ST6GALNAC3: variants seen among roughly 807,000 people sequenced by gnomAD.
ST6GALNAC3 encodes the protein alpha-N-acetylgalactosaminide alpha-2,6-sialyltransferase 3.
In ST6GALNAC3, 25 loss-of-function variants were observed where a neutral mutation model predicts 32.7. The observed-to-expected ratio is 0.76, with a 90% confidence interval of 0.56 to 1.07. ST6GALNAC3 has a LOEUF of 1.07. Ranked by LOEUF, ST6GALNAC3 falls within the 50% of genes least tolerant of loss-of-function variation. ST6GALNAC3 has a pLI of 0.00. For synonymous variants in ST6GALNAC3, 129 were observed against 133.1 expected (o/e 0.97, Z 0.21); for missense variants, 355 against 382.4 (o/e 0.93, Z 0.60).
chr1:76,512,700 C>G (rs1199038112), intron 3 of ST6GALNAC3, among the ~76,000 whole-genome samples: 1 of 152,150 alleles, frequency 6.6e-6, no homozygotes, highest in African/African-American at 2.4e-5. Flanking sequence ...TACCCGTTGA[C>G]CAGCCTCTCT....
chr1:76,356,589 C>T (rs1198691352), intron 2 of ST6GALNAC3, among the ~76,000 whole-genome samples: 1 of 151,980 alleles, frequency 6.6e-6, no homozygotes, highest in Admixed American at 6.6e-5. Context: ...TGCAGTGAGA[C>T]CTAGGGTGGA....
chr1:76,267,262 GC>G (rs1231834303), intron 1 of ST6GALNAC3, among the ~76,000 whole-genome samples: 47 of 152,216 alleles, frequency 3.1e-4, no homozygotes, highest in African/African-American at 1.1e-3. Context: ...CCTCTGTCTA[GC>G]CCCTGCTAAG....
rs529761950 is a variant in ST6GALNAC3 at position 76,491,078 on chromosome 1, G to A, written c.623+78661G>A. Among the ~76,000 whole-genome samples the A allele has an allele frequency of 4.6e-5, 7 of 151,960 alleles. 1 individual carries two copies. Among genetic ancestry groups the A allele is most frequent in the South Asian group, 4.2e-4 (2 of 4,816 alleles). ...TCTCCAAGTTGGTCAGGCTGGTCTCGAACTCCCAACCTCAGGTGATCCGCC... is the reference window on the plus strand; with the variant it reads ...TCTCCAAGTTGGTCAGGCTGGTCTCAAACTCCCAACCTCAGGTGATCCGCC... On this transcript the variant is annotated intron_variant, in intron 3 of 4. Transcript: ENST00000328299.
At chr1:76,569,815 C>T (rs1392088064) in intron 3 of ST6GALNAC3, among the ~76,000 whole-genome samples, 1 of 152,044 alleles carries the variant, frequency 6.6e-6, no homozygotes, top group East Asian at 1.9e-4. Flanking sequence ...AATACTGAGT[C>T]ATTTTGATTA....
At chr1:76,106,535 T>G (rs140359587) in intron 1 of ST6GALNAC3, among the ~76,000 whole-genome samples, 73 of 152,324 alleles carry the variant, frequency 4.8e-4, no homozygotes, top group South Asian at 1.2e-3. Flanking sequence ...TGTTTTCCAT[T>G]TGATGGCCCC....
intron 2 of ST6GALNAC3, among the ~76,000 whole-genome samples, chr1:76,379,026 T>C (rs1021436302): frequency 1.3e-5 from 2 of 152,112 alleles, no homozygotes; most frequent in African/African-American, 2.4e-5. Context: ...GCCTCCCAAG[T>C]AGCTGGGACT....
chr1:76,208,048 C>CA (rs11389393), intron 1 of ST6GALNAC3, among the ~76,000 whole-genome samples: 2 of 145,630 alleles, frequency 1.4e-5, no homozygotes, highest in Admixed American at 6.7e-5. Context: ...AGTGCCCCCC[C>CA]CCCCAAAAAA....
chr1:76,447,153 G>T (rs972876457), intron 3 of ST6GALNAC3, among the ~76,000 whole-genome samples: 1 of 152,166 alleles, frequency 6.6e-6, no homozygotes, highest in Non-Finnish European at 1.5e-5. Flanking sequence ...GGCTGAAGTG[G>T]TCTCAAATGG....
intron 1 of ST6GALNAC3, among the ~76,000 whole-genome samples, chr1:76,206,621 G>A (rs923688847): frequency 2.8e-4 from 43 of 152,104 alleles, no homozygotes; most frequent in African/African-American, 9.6e-4. Context: ...CCAGCTACTC[G>A]GGAGGCTGAG....
At chr1:76,590,190 C>G (rs532010782) in intron 3 of ST6GALNAC3, among the ~76,000 whole-genome samples, 2 of 152,258 alleles carry the variant, frequency 1.3e-5, no homozygotes, top group Admixed American at 1.3e-4. Flanking sequence ...TAATCAAGAC[C>G]CATACTTTAC....
intron 3 of ST6GALNAC3, among the ~76,000 whole-genome samples, chr1:76,442,480 C>T (rs1656681887): frequency 6.6e-6 from 1 of 152,168 alleles, no homozygotes. Context: ...GGTGATTGTA[C>T]TAAATTTTAC....
chr1:76,562,539 G>C (rs953968856), intron 3 of ST6GALNAC3, among the ~76,000 whole-genome samples: 1 of 152,130 alleles, frequency 6.6e-6, no homozygotes, highest in African/African-American at 2.4e-5. Flanking sequence ...TACTGTCTCT[G>C]ATGGGTAGAA....
At chr1:76,208,075 C>T (rs1357088929) in intron 1 of ST6GALNAC3, among the ~76,000 whole-genome samples, 2 of 148,146 alleles carry the variant, frequency 1.4e-5, no homozygotes, top group Non-Finnish European at 3.0e-5. Flanking sequence ...ACCCAGAACC[C>T]ATGCTAGTCC....
At chr1:76,156,616 GT>G in intron 1 of ST6GALNAC3, among the ~76,000 whole-genome samples, 1 of 152,014 alleles carries the variant, frequency 6.6e-6, no homozygotes, top group Middle Eastern at 3.4e-3. Flanking sequence ...ATCATTGCGG[GT>G]TTTTGTTTTT....
At chr1:76,212,939 G>A (rs1655250007) in intron 1 of ST6GALNAC3, among the ~76,000 whole-genome samples, 1 of 152,180 alleles carries the variant, frequency 6.6e-6, no homozygotes, top group Non-Finnish European at 1.5e-5. Context: ...CACTTACAAA[G>A]TCTGACCCGT....
intron 1 of ST6GALNAC3, among the ~76,000 whole-genome samples, chr1:76,204,775 A>C (rs1255058805): frequency 6.6e-6 from 1 of 152,152 alleles, no homozygotes; most frequent in African/African-American, 2.4e-5. Context: ...CCCTTTGGTA[A>C]CTATTACTGG....
At chr1:76,312,886 G>A (rs551187218) in intron 1 of ST6GALNAC3, among the ~76,000 whole-genome samples, 16 of 152,208 alleles carry the variant, frequency 1.1e-4, no homozygotes, top group African/African-American at 3.8e-4. Flanking sequence ...CCTCTCTCTG[G>A]AAAGCTCTGT....
intron 2 of ST6GALNAC3, among the ~76,000 whole-genome samples, chr1:76,335,832 C>A (rs1363735918): frequency 6.6e-6 from 1 of 152,112 alleles, no homozygotes; most frequent in Non-Finnish European, 1.5e-5. Context: ...GTTGACTGAC[C>A]AGATATTTCT....
intron 1 of ST6GALNAC3, among the ~76,000 whole-genome samples, chr1:76,154,573 T>A (rs1383791768): frequency 2.0e-5 from 3 of 152,218 alleles, no homozygotes; most frequent in Non-Finnish European, 4.4e-5. Context: ...TTTTTGACGC[T>A]CACAGAAGCA....
Sources: gnomAD v4.1 joint callset for allele counts (sites outside exome capture counted in the v4.1 genomes callset) on GRCh38, gnomAD v4.1.1 for gene constraint, MANE v1.5 for transcripts, NCBI Gene and HGNC (gene_info 2026-07-23, HGNC 2026-07-21) for gene names.